The following ZNF420 variants were observed in gnomAD, a reference collection of about 807,000 sequenced individuals.
The protein encoded by ZNF420 is zinc finger protein 420.
In ZNF420, 31 loss-of-function variants were observed where a neutral mutation model predicts 44.7. The ratio of observed to expected loss-of-function variants is 0.69; its 90% CI spans 0.52 to 0.94. ZNF420 has a LOEUF of 0.94. ZNF420 is among the 40% of genes least tolerant of loss of function. The pLI, the probability that ZNF420 is intolerant of heterozygous loss-of-function variation, is 0.00. For synonymous variants in ZNF420, 245 were observed against 267.4 expected, an observed-to-expected ratio of 0.92 and a Z score of 0.82; for missense variants, 681 against 827.9, an observed-to-expected ratio of 0.82 and a Z score of 2.18.
intron 1 of ZNF420, among the ~76,000 whole-genome samples, chr19:37,027,418 A>G (rs1967178203): frequency 6.6e-6 from 1 of 152,204 alleles, no homozygotes; most frequent in African/African-American, 2.4e-5. Flanking sequence ...TGATGAGCCA[A>G]TATTAATATT....
chr19:37,107,417 T>C (rs1970154723), intron 4 of ZNF420: 2 of 152,268 alleles, frequency 1.3e-5, no homozygotes, highest in African/African-American at 4.8e-5. Flanking sequence ...GCATAGCCCT[T>C]TGGTAAATCC....
At chr19:37,008,191 G>A in intron 1 of ZNF420, 1 of 310,866 alleles carries the variant, frequency 3.2e-6, no homozygotes. Flanking sequence ...GCAGAACCCC[G>A]CAGCCTCAGG....
chr19:37,021,114 C>G (rs1301439595), intron 1 of ZNF420, among the ~76,000 whole-genome samples: 1 of 152,096 alleles, frequency 6.6e-6, no homozygotes, highest in Non-Finnish European at 1.5e-5. Context: ...ACGTGTAAAC[C>G]AGGAGTTGAG....
rs2145359629 is a variant in ZNF420, at chr19:37,128,189, T to A, written c.1198T>A (p.Phe400Ile). 1 of 1,614,040 alleles carries A rather than the reference T, an allele frequency of 6.2e-7. No homozygotes were observed. The highest frequency in any genetic ancestry group is 1.7e-5 in the Admixed American group (1 of 60,022). Residue 400 changes from phenylalanine (F) to isoleucine (I), a missense_variant, in exon 5 of 5, where the codon TTT (phenylalanine) becomes ATT (isoleucine). Phe to Ile is a conservative substitution (Grantham distance 21). Transcript: ENST00000337995. ...TGAATGTAAGGAATGTGGAAAGATG[T>A]TTAGTCATGGCTCACAACTTACTCA... ...PYECKECGKM[F>I]SHGSQLTQHQ...
At chr19:37,118,074 C>A (rs1455782945) in intron 4 of ZNF420, among the ~76,000 whole-genome samples, 1 of 152,158 alleles carries the variant, frequency 6.6e-6, no homozygotes, top group African/African-American at 2.4e-5. Context: ...GGAGAACTTC[C>A]CCAATCTAGC....
chr19:37,025,578 C>T (rs890251183), intron 1 of ZNF420, among the ~76,000 whole-genome samples: 3 of 151,942 alleles, frequency 2.0e-5, no homozygotes, highest in Admixed American at 1.3e-4. Context: ...CTATCATGTA[C>T]TTGTTTCTAT....
At chr19:37,073,430 C>T (rs1046226076) in intron 1 of ZNF420, among the ~76,000 whole-genome samples, 6 of 152,060 alleles carry the variant, frequency 3.9e-5, no homozygotes, top group African/African-American at 1.2e-4. Flanking sequence ...AGGGAATGCA[C>T]AATATAAGTA....
intron 2 of ZNF420, among the ~76,000 whole-genome samples, chr19:37,088,443 G>GT (rs1015036577): frequency 6.6e-6 from 1 of 151,884 alleles, no homozygotes; most frequent in Non-Finnish European, 1.5e-5. Context: ...AATTTACTGA[G>GT]TTTTTTTTAA....
At chr19:37,034,495 A>C (rs900903998) in intron 1 of ZNF420, among the ~76,000 whole-genome samples, 1 of 152,180 alleles carries the variant, frequency 6.6e-6, no homozygotes, top group Non-Finnish European at 1.5e-5. Flanking sequence ...ATTTTGATGA[A>C]GTCCAATTTG....
At chr19:37,064,256 C>T (rs1339164138) in intron 1 of ZNF420, among the ~76,000 whole-genome samples, 1 of 152,138 alleles carries the variant, frequency 6.6e-6, no homozygotes, top group Non-Finnish European at 1.5e-5. Context: ...TACTCTGAGA[C>T]TATGTAAACA....
chr19:37,128,779 T>C lies in ZNF420; in HGVS notation c.1788T>C (p.Phe596=), dbSNP rs1971504900. 6.2e-7 allele frequency: 1 copy of C among 1,613,922 alleles called. No homozygotes were observed. The highest frequency in any genetic ancestry group is 8.5e-7 in the Non-Finnish European group (1 of 1,179,936). Residue 596 remains phenylalanine, a synonymous_variant, in exon 5 of 5, where the codon TTT becomes TTC. Transcript: ENST00000337995. ...PYECKECGKA[F]SHGSQLTLHQ... Reference sequence around the variant, plus strand: ...AATGCAAGGAGTGTGGCAAGGCCTTTAGTCATGGCTCTCAGCTTACTCTAC... The same window carrying C: ...AATGCAAGGAGTGTGGCAAGGCCTTCAGTCATGGCTCTCAGCTTACTCTAC...
At chr19:37,015,898 G>A (rs1386891350) in intron 1 of ZNF420, among the ~76,000 whole-genome samples, 7 of 152,212 alleles carry the variant, frequency 4.6e-5, no homozygotes. Context: ...CCTCTTCTCT[G>A]TCCTCTCTTT....
At chr19:37,029,941 A>C (rs1181547934) in intron 1 of ZNF420, among the ~76,000 whole-genome samples, 1 of 152,184 alleles carries the variant, frequency 6.6e-6, no homozygotes, top group Non-Finnish European at 1.5e-5. Context: ...TCTCACAGGT[A>C]CCCACATTTT....
intron 1 of ZNF420, among the ~76,000 whole-genome samples, chr19:37,010,565 TGTG>T (rs2074561715): frequency 6.6e-6 from 1 of 152,052 alleles, no homozygotes; most frequent in African/African-American, 2.4e-5. Context: ...TCTCTCTGTC[TGTG>T]AGTGTGTGTG....
intron 1 of ZNF420, among the ~76,000 whole-genome samples, chr19:37,018,623 A>C (rs1183450585): frequency 1.3e-5 from 2 of 152,202 alleles, no homozygotes; most frequent in Admixed American, 6.5e-5. Context: ...GCTAGAGTGC[A>C]GTGGCATGAT....
At chr19:37,026,493 A>G (rs1967163023) in intron 1 of ZNF420, among the ~76,000 whole-genome samples, 1 of 151,726 alleles carries the variant, frequency 6.6e-6, no homozygotes, top group Non-Finnish European at 1.5e-5. Context: ...CTAGTTTTGT[A>G]TTTTCAGTAG....
At chr19:37,064,640 G>A (rs915752200) in intron 1 of ZNF420, among the ~76,000 whole-genome samples, 3 of 152,158 alleles carry the variant, frequency 2.0e-5, no homozygotes, top group African/African-American at 7.2e-5. Context: ...CCCCCTAGAA[G>A]AAGCCACTAT....
chr19:37,035,659 G>T (rs1258701787), intron 1 of ZNF420, among the ~76,000 whole-genome samples: 1 of 152,168 alleles, frequency 6.6e-6, no homozygotes, highest in African/African-American at 2.4e-5. Flanking sequence ...CCATGGTCAG[G>T]TTACTTCCTC....
At chr19:37,122,801 G>A (rs1428012588) in intron 4 of ZNF420, among the ~76,000 whole-genome samples, 1 of 151,962 alleles carries the variant, frequency 6.6e-6, no homozygotes, top group Non-Finnish European at 1.5e-5. Context: ...TGTATATAAA[G>A]GTACGCCCTG....
Sources: allele counts gnomAD v4.1 joint callset (sites outside exome capture counted in the v4.1 genomes callset), GRCh38; gene constraint gnomAD v4.1.1; transcripts MANE v1.5; gene names NCBI Gene and HGNC (gene_info 2026-07-23, HGNC 2026-07-21).